Variants in TRABD2B observed in about 807,000 individuals in gnomAD.
TRABD2B encodes the protein metalloprotease TIKI2.
In TRABD2B, 14 loss-of-function variants were observed where a neutral mutation model predicts 40.1. The observed-to-expected ratio is 0.35, with a 90% CI of 0.23 to 0.55. TRABD2B has a LOEUF of 0.55. TRABD2B is among the 20% of genes least tolerant of loss of function. The pLI, the probability that TRABD2B is intolerant of heterozygous loss-of-function variation, is 0.90. For synonymous variants in TRABD2B, 263 were observed against 277.0 expected, an observed-to-expected ratio of 0.95 and a Z score of 0.50; for missense variants, 541 against 648.6, an observed-to-expected ratio of 0.83 and a Z score of 1.80.
At chr1:47,767,371 A>T (rs1644318881) in intron 6 of TRABD2B, among the ~76,000 whole-genome samples, 1 of 152,220 alleles carries the variant, frequency 6.6e-6, no homozygotes, top group Non-Finnish European at 1.5e-5. Context: ...GGGAGGCCAC[A>T]GTCAGCCTGA....
chr1:47,781,941 C>T (rs116825474), intron 4 of TRABD2B, among the ~76,000 whole-genome samples: 1,638 of 152,316 alleles, frequency 0.011, 15 homozygotes, highest in Non-Finnish European at 0.017. Flanking sequence ...CTCTCACTGC[C>T]CCCTATCTGT....
chr1:47,840,471 C>T (rs1570097449), intron 2 of TRABD2B, among the ~76,000 whole-genome samples: 1 of 152,276 alleles, frequency 6.6e-6, no homozygotes, highest in South Asian at 2.1e-4. Flanking sequence ...CTTAGACAGA[C>T]CCTATAGGCC....
intron 2 of TRABD2B, among the ~76,000 whole-genome samples, chr1:47,858,163 C>T (rs1256986944): frequency 8.6e-5 from 13 of 151,740 alleles, no homozygotes; most frequent in African/African-American, 1.7e-4. Context: ...AGGCATCCTC[C>T]GACAAGGGGC....
At chr1:47,815,713 G>C (rs1557588984) in intron 2 of TRABD2B, among the ~76,000 whole-genome samples, 1 of 152,194 alleles carries the variant, frequency 6.6e-6, no homozygotes, top group Non-Finnish European at 1.5e-5. Context: ...TCAACCTGGA[G>C]TGTCTGGGGC....
chr1:47,993,983 G>C, intron 2 of TRABD2B, 51 bp downstream of exon 2: 2 of 1,472,026 alleles, frequency 1.4e-6, no homozygotes, highest in Non-Finnish European at 9.0e-7. Context: ...CAGAGAAGAG[G>C]ACCCAGGTAC....
chr1:47,996,556 C>T lies in TRABD2B; in HGVS notation c.102+132G>A. On this transcript the variant is annotated intron_variant, in intron 1 of 6. Coordinates refer to ENST00000606738, the MANE Select transcript of TRABD2B (RefSeq NM_001194986.2). This position sits in a 1 kb window ranked among gnomAD's most constrained non-coding sequence, Gnocchi z 4.6. ...CAGGCAGGAGCGAAGGAAGGGCGCCCGAGGCTGCGCCCGGGGGGTGGAGGT... is the reference window on the plus strand; with the variant it reads ...CAGGCAGGAGCGAAGGAAGGGCGCCTGAGGCTGCGCCCGGGGGGTGGAGGT... 9.2e-7 allele frequency: 1 copy of T among 1,081,924 alleles called. No individual in the cohort carries two copies. 67.0% of individuals were successfully genotyped at this position (1,081,924 alleles called of 1,614,324 possible).
At chr1:47,882,453 G>A (rs1570201767) in intron 2 of TRABD2B, among the ~76,000 whole-genome samples, 2 of 152,350 alleles carry the variant, frequency 1.3e-5, no homozygotes, top group East Asian at 3.9e-4. Context: ...AGGGTTGCGG[G>A]TGAGGGGGTC....
At chr1:47,855,426 T>A (rs752521378) in intron 2 of TRABD2B, among the ~76,000 whole-genome samples, 27 of 152,278 alleles carry the variant, frequency 1.8e-4, no homozygotes, top group Non-Finnish European at 3.4e-4. Context: ...CATGCACATA[T>A]GTGCATAAAC....
intron 2 of TRABD2B, among the ~76,000 whole-genome samples, chr1:47,981,047 C>T (rs1051197214): frequency 3.3e-5 from 5 of 151,906 alleles, no homozygotes; most frequent in African/African-American, 9.7e-5. Context: ...CTTGCTCTGT[C>T]GCCCAGGCTG....
intron 3 of TRABD2B, among the ~76,000 whole-genome samples, chr1:47,799,373 A>C (rs1644788924): frequency 6.6e-6 from 1 of 152,148 alleles, no homozygotes; most frequent in African/African-American, 2.4e-5. Flanking sequence ...TGAGATTCCT[A>C]GGAGCCTCGT....
At chr1:47,988,540 G>T (rs10888594) in intron 2 of TRABD2B, among the ~76,000 whole-genome samples, 53,049 of 151,910 alleles carry the variant, frequency 0.35, 9,606 homozygotes, top group African/African-American at 0.43. Flanking sequence ...TGCCGTGACA[G>T]GCTGGGGCTC....
chr1:47,903,570 G>A (rs575307358), intron 2 of TRABD2B, among the ~76,000 whole-genome samples: 1 of 152,250 alleles, frequency 6.6e-6, no homozygotes, highest in East Asian at 1.9e-4. Context: ...GAGGCAGTGG[G>A]AGTTTCCTGC....
At position 47,996,735 on chromosome 1, in the gene TRABD2B, C is replaced by A. The variant is rs1310490377; in HGVS notation, c.55G>T (p.Ala19Ser). The change falls in exon 1 of 7, where the codon GCC (alanine) becomes TCC (serine). Residue 19 changes from alanine to serine, a missense_variant. By Grantham distance (99) the Ala-to-Ser change is moderately conservative. Around this residue, in one of 2 missense-constraint regions of TRABD2B, gnomAD observed 369 missense variants for 492.8 expected, o/e 0.75. Coordinates refer to ENST00000606738, the MANE Select transcript of TRABD2B (RefSeq NM_001194986.2). The surrounding 1 kb of genome is among the most constrained non-coding windows in gnomAD (Gnocchi z 4.6). The part of the protein sequence containing the change: ...LLAALLATAR[A>S]RPQPPDGGQC... ...CCTCCGTCCGGGGGCTGCGGGCGGG[C>A]GCGAGCGGTGGCGAGGAGGGCGGCG... 7.3e-6 allele frequency: 9 copies of A among 1,226,364 alleles called. No homozygotes were observed. The highest frequency in any genetic ancestry group is 4.1e-5 in the South Asian group (1 of 24,334). 76.0% of individuals were successfully genotyped at this position (1,226,364 alleles called of 1,614,324 possible).
intron 2 of TRABD2B, among the ~76,000 whole-genome samples, chr1:47,922,438 C>T (rs1644915376): frequency 6.6e-6 from 1 of 152,158 alleles, no homozygotes; most frequent in Admixed American, 6.5e-5. Flanking sequence ...GATCATAACA[C>T]AGAGTCTAAA....
intron 2 of TRABD2B, among the ~76,000 whole-genome samples, chr1:47,972,613 G>A (rs1570395253): frequency 6.6e-6 from 1 of 152,130 alleles, no homozygotes; most frequent in Non-Finnish European, 1.5e-5. Context: ...CGAACATGCT[G>A]GCTTCCTGAC....
chr1:47,924,857 T>A (rs978219282), intron 2 of TRABD2B, among the ~76,000 whole-genome samples: 1 of 152,276 alleles, frequency 6.6e-6, no homozygotes, highest in Middle Eastern at 3.4e-3. Flanking sequence ...CAGGGAGCTA[T>A]CCCTCACCCT....
At chr1:47,959,164 C>A (rs188113504) in intron 2 of TRABD2B, among the ~76,000 whole-genome samples, 1 of 152,106 alleles carries the variant, frequency 6.6e-6, no homozygotes, top group African/African-American at 2.4e-5. Flanking sequence ...TTGAAACCAA[C>A]GAGAACAAAG....
chr1:47,803,565 T>A (rs901728172), intron 2 of TRABD2B, among the ~76,000 whole-genome samples: 5 of 152,170 alleles, frequency 3.3e-5, no homozygotes, highest in South Asian at 2.1e-4. Flanking sequence ...TATTCACAAT[T>A]GTCCCCAGAT....
intron 2 of TRABD2B, among the ~76,000 whole-genome samples, chr1:47,948,867 C>A (rs913382518): frequency 3.3e-5 from 5 of 152,158 alleles, no homozygotes; most frequent in African/African-American, 9.7e-5. Flanking sequence ...CTCCTCATCA[C>A]CCCTCTCTCA....
Sources: gnomAD v4.1 joint callset for allele counts (sites outside exome capture counted in the v4.1 genomes callset) on GRCh38, gnomAD v4.1.1 for gene constraint, gnomAD v4.1.1 regional missense constraint, Gnocchi (gnomAD v3.1) non-coding constraint, MANE v1.5 for transcripts, NCBI Gene and HGNC (gene_info 2026-07-23, HGNC 2026-07-21) for gene names.